Variants in PCDHGA1 observed in about 807,000 individuals in gnomAD.
PCDHGA1 encodes protocadherin gamma subfamily A, 1.
A neutral mutation model predicts 58.0 loss-of-function variants in PCDHGA1; 32 were observed. That is an observed-to-expected ratio of 0.55 (90% CI 0.42 to 0.74). PCDHGA1 has a LOEUF of 0.74. Ranked by LOEUF, PCDHGA1 falls within the 30% of genes least tolerant of loss-of-function variation. PCDHGA1 has a pLI of 0.00. For missense variants in PCDHGA1, 1,205 were observed against 1,182.3 expected (o/e 1.02, Z -0.28); for synonymous variants, 498 against 501.1 (o/e 0.99, Z 0.08).
chr5:141,466,014 C>T (rs962233749), intron 1 of PCDHGA1, among the ~76,000 whole-genome samples: 75 of 151,848 alleles, frequency 4.9e-4, no homozygotes, highest in African/African-American at 1.2e-3. Flanking sequence ...CCCAGCTACT[C>T]GGGAGGGTGA....
At position 141,364,632 on chromosome 5, in the gene PCDHGA1, T is replaced by C. The variant is rs377270205; in HGVS notation, c.2421+31527T>C. The C allele has an allele frequency of 1.1e-5, 17 of 1,614,024 alleles. No homozygotes were observed. The African/African-American group carries it at 2.3e-4, about 22-fold the overall frequency. Reference sequence around the variant, plus strand: ...GAGGAGCTCTGCGCTCAGAGCCCACTGTGTGTGGTGAACTTTAACATCTTG... The same window carrying C: ...GAGGAGCTCTGCGCTCAGAGCCCACCGTGTGTGGTGAACTTTAACATCTTG... On this transcript the variant is annotated intron_variant, in intron 1 of 3. Coordinates refer to ENST00000517417, the MANE Select transcript of PCDHGA1 (RefSeq NM_018912.3).
chr5:141,485,421 C>G lies in PCDHGA1; in HGVS notation c.2422-9386C>G. The G allele has an allele frequency of 6.2e-7, 1 of 1,614,112 alleles. No individual in the cohort carries two copies. The highest frequency in any genetic ancestry group is 1.1e-5 in the South Asian group (1 of 91,080). ...TTCCGTGTGGATTTGGACAGCGGAG[C>G]CCTGCTCATCAAGAACCCAATCGAC... On this transcript the variant is annotated intron_variant, in intron 1 of 3. Transcript: ENST00000517417. This position sits in a 1 kb window ranked among gnomAD's most constrained non-coding sequence, Gnocchi z 5.7.
At chr5:141,372,155 G>C in intron 1 of PCDHGA1, 1 of 1,613,796 alleles carries the variant, frequency 6.2e-7, no homozygotes, top group Non-Finnish European at 8.5e-7. Flanking sequence ...CTGGCTACCT[G>C]GTGACCAAGG....
chr5:141,351,386 G>A (rs2149762334), intron 1 of PCDHGA1: 1 of 1,612,026 alleles, frequency 6.2e-7, no homozygotes. Context: ...TGGGCAAAAT[G>A]GCATGGTGAC....
chr5:141,361,368 C>G, intron 1 of PCDHGA1: 1 of 1,613,970 alleles, frequency 6.2e-7, no homozygotes, highest in South Asian at 1.1e-5. Context: ...GCGCTCTGGA[C>G]CGGGAGGAGA....
intron 1 of PCDHGA1, chr5:141,355,818 G>A: frequency 1.2e-6 from 2 of 1,613,008 alleles, no homozygotes; most frequent in South Asian, 1.1e-5. Flanking sequence ...AGGAAGAGGC[G>A]GTTCACCACC....
chr5:141,410,222 G>A, intron 1 of PCDHGA1: 2 of 1,614,018 alleles, frequency 1.2e-6, no homozygotes, highest in South Asian at 2.2e-5. Flanking sequence ...GATACTGCCA[G>A]ACCTCAGCGA....
intron 2 of PCDHGA1, among the ~76,000 whole-genome samples, chr5:141,503,458 G>A (rs948221006): frequency 2.0e-5 from 3 of 152,018 alleles, no homozygotes; most frequent in Non-Finnish European, 4.4e-5. Flanking sequence ...CGCTGGGCAT[G>A]GTGGCATGTG....
intron 1 of PCDHGA1, chr5:141,413,826 C>G (rs1363449): frequency 6.2e-7 from 1 of 1,613,180 alleles, no homozygotes; most frequent in Non-Finnish European, 8.5e-7. Flanking sequence ...TGGTCCTCAC[C>G]GCCTCCGACG....
intron 1 of PCDHGA1, among the ~76,000 whole-genome samples, chr5:141,467,954 C>T (rs1467826790): frequency 1.3e-5 from 2 of 152,070 alleles, no homozygotes; most frequent in Admixed American, 6.6e-5. Flanking sequence ...CCACCACACC[C>T]GGCTGCCAGA....
intron 1 of PCDHGA1, among the ~76,000 whole-genome samples, chr5:141,448,434 G>A (rs2098588755): frequency 1.3e-5 from 2 of 152,052 alleles, no homozygotes; most frequent in Non-Finnish European, 2.9e-5. Context: ...TATATATTGA[G>A]AAGTCTGACT....
chr5:141,508,647 C>T (rs1301017914), intron 3 of PCDHGA1, among the ~76,000 whole-genome samples: 4 of 152,090 alleles, frequency 2.6e-5, no homozygotes, highest in African/African-American at 9.7e-5. Flanking sequence ...CTCCGTCAGG[C>T]CCTTCCTGTC....
chr5:141,412,973 C>G, intron 1 of PCDHGA1: 1 of 528,318 alleles, frequency 1.9e-6, no homozygotes, highest in Non-Finnish European at 3.3e-6. Flanking sequence ...GGAGAGAAAA[C>G]GCAGCCAGAG....
intron 1 of PCDHGA1, among the ~76,000 whole-genome samples, chr5:141,354,541 G>A (rs967505809): frequency 2.0e-5 from 3 of 152,200 alleles, no homozygotes; most frequent in African/African-American, 4.8e-5. Flanking sequence ...AGGTTCTAGA[G>A]GGTCAACTCC....
intron 1 of PCDHGA1, chr5:141,355,683 T>A: frequency 6.2e-7 from 1 of 1,614,012 alleles, no homozygotes; most frequent in Non-Finnish European, 8.5e-7. Context: ...TTGATCCGGA[T>A]GTAGGTGTAA....
chr5:141,355,781 T>C, intron 1 of PCDHGA1: 2 of 1,613,802 alleles, frequency 1.2e-6, no homozygotes, highest in Non-Finnish European at 1.7e-6. Context: ...TACCCAGAGC[T>C]GGTGCTGGAA....
chr5:141,408,869 AG>A, intron 1 of PCDHGA1: 1 of 1,613,690 alleles, frequency 6.2e-7, no homozygotes, highest in Non-Finnish European at 8.5e-7. Context: ...CCCACCAAGA[AG>A]TGCCACCGCT....
chr5:141,338,791 G>C (rs1370278746), intron 1 of PCDHGA1: 2 of 1,354,154 alleles, frequency 1.5e-6, no homozygotes, highest in Non-Finnish European at 1.9e-6. Flanking sequence ...CAGCACAAGG[G>C]GGTGGAGGTT....
At chr5:141,393,800 GA>G (rs1403705962) in intron 1 of PCDHGA1, 2 of 1,613,842 alleles carry the variant, frequency 1.2e-6, no homozygotes, top group Non-Finnish European at 1.7e-6. Flanking sequence ...CACTTCTGGG[GA>G]GGACCAAATT....
Sources: gnomAD v4.1 joint callset for allele counts (sites outside exome capture counted in the v4.1 genomes callset) on GRCh38, gnomAD v4.1.1 for gene constraint, Gnocchi (gnomAD v3.1) non-coding constraint, MANE v1.5 for transcripts, NCBI Gene and HGNC (gene_info 2026-07-23, HGNC 2026-07-21) for gene names.